Variants in ZNF219 observed in about 807,000 individuals in gnomAD.
ZNF219 encodes zinc finger protein 219.
In ZNF219, 17 loss-of-function variants were observed where a neutral mutation model predicts 54.4. The observed-to-expected ratio is 0.31, with a 90% CI of 0.21 to 0.47. ZNF219 has a LOEUF of 0.47. Among genes scored for constraint, ZNF219 ranks in the 20% least tolerant of loss-of-function variants. The pLI is 1.00. For missense variants in ZNF219, 1,014 were observed against 1,062.3 expected (o/e 0.95, Z 0.63); for synonymous variants, 518 against 476.4 (o/e 1.09, Z -1.14).
rs1287578865 is a variant in ZNF219, at chr14:21,092,288, C to G, written c.1009G>C (p.Ala337Pro). ...TGGGGGGCGCGGGCAGGCCCGGAGGCAGGCCCCGGGGCACGCAGTGGGCCC... is the reference window on the plus strand; with the variant it reads ...TGGGGGGCGCGGGCAGGCCCGGAGGGAGGCCCCGGGGCACGCAGTGGGCCC... ...KLGPLRAPGP[A>P]SGPARAPQPP... The change falls in exon 3 of 5, where the codon GCC (alanine) becomes CCC (proline). Residue 337 changes from alanine (A) to proline (P), a missense_variant. Physicochemically the swap from Ala to Pro is conservative, Grantham distance 27. Around this residue, in one of 5 missense-constraint regions of ZNF219, gnomAD observed 272 missense variants for 248.9 expected, o/e 1.09. Transcript: ENST00000360947. 6.6e-7 allele frequency: 1 copy of G among 1,510,542 alleles called. No individual in the cohort carries two copies. Among genetic ancestry groups the G allele is most frequent in the Non-Finnish European group, 8.8e-7 (1 of 1,131,550 alleles). The allele number at this position is 1,510,542 out of a possible 1,614,324, so 93.6% of individuals were successfully genotyped here. A position where few individuals can be genotyped will look rare whatever the true frequency, so the allele number is the denominator to read the frequency against.
chr14:21,101,818 G>T, upstream of ZNF219: 1 of 1,455,882 alleles, frequency 6.9e-7, no homozygotes, highest in Non-Finnish European at 9.4e-7. Context: ...CGAGAAGGGA[G>T]GGAATCCCTG....
chr14:21,091,866 C>T lies in ZNF219; in HGVS notation c.1431G>A (p.Gln477=), dbSNP rs960498940. The change falls in exon 3 of 5, where the codon CAG becomes CAA. Residue 477 remains glutamine (Q), a splice_region_variant and synonymous_variant. Coordinates refer to ENST00000360947, the MANE Select transcript of ZNF219 (RefSeq NM_016423.3). ...AGAQARSTAT[Q]EENGLLVGGT... Reference sequence around the variant, plus strand: ...GGAGAGCGGAGGGTACCTACATACCCTGCGTGGCGGTCGATCTTGCCTGGG... The same window carrying T: ...GGAGAGCGGAGGGTACCTACATACCTTGCGTGGCGGTCGATCTTGCCTGGG... 6.5e-6 allele frequency: 10 copies of T among 1,545,574 alleles called. No homozygotes were observed. In the South Asian group the frequency reaches 1.2e-4, roughly 19 times the overall value.
upstream of ZNF219, chr14:21,098,969 TA>T: frequency 1.6e-6 from 1 of 623,080 alleles, no homozygotes; most frequent in South Asian, 2.0e-5. Flanking sequence ...GTCGGCCGTA[TA>T]AGAAACATTA....
upstream of ZNF219, chr14:21,101,285 A>T: frequency 6.8e-7 from 1 of 1,470,534 alleles, no homozygotes; most frequent in South Asian, 1.2e-5. Flanking sequence ...TAATAGACAG[A>T]ACCTATAACG....
Position 21,092,611 on chromosome 14 carries a change from TGAGGC to T in ZNF219, c.681_685del (p.Pro228AlafsTer26). ...CTGGGGTGGAGGCTGAGGCTGAGGCTGAGGCGGAGGCGCAGCGGAGGTGGCCGCCA... is the reference window on the plus strand; with the variant it reads ...CTGGGGTGGAGGCTGAGGCTGAGGCTGGAGGCGCAGCGGAGGTGGCCGCCA... On this transcript the variant is annotated frameshift_variant, in exon 3 of 5. Transcript: ENST00000360947. LOFTEE classifies it high-confidence loss of function. 6.9e-7 allele frequency: 1 copy of T among 1,444,110 alleles called. No individual in the cohort carries two copies. The highest frequency in any genetic ancestry group is 2.4e-5 in the East Asian group (1 of 41,492). The allele number at this position is 1,444,110 out of a possible 1,614,324, so 89.5% of individuals were successfully genotyped here.
chr14:21,102,505 C>T (rs1343315625), upstream of ZNF219: 10 of 1,551,584 alleles, frequency 6.4e-6, no homozygotes, highest in African/African-American at 1.4e-4. Context: ...GCCCCAACTG[C>T]CTCCTCCCAG....
At chr14:21,104,163 TG>T (rs1471075659) in intron 1 of ZNF219, 1 of 152,160 alleles carries the variant, frequency 6.6e-6, no homozygotes, top group Non-Finnish European at 1.5e-5. Context: ...GGAGGGACCC[TG>T]CGACCCGCGT....
chr14:21,090,372 G>T lies in ZNF219; in HGVS notation c.*164C>A. ...GACTCCCTTGGGCTGGGTGGGTACC[G>T]CCAGCCCACCCTCCTACGCCCGCCG... On this transcript the variant is annotated 3_prime_UTR_variant, in exon 5 of 5. Transcript: ENST00000360947. The surrounding 1 kb of genome is among the most constrained non-coding windows in gnomAD (Gnocchi z 4.4). 3.1e-6 allele frequency: 3 copies of T among 969,752 alleles called. No individual in the cohort carries two copies. The highest frequency in any genetic ancestry group is 1.5e-5 in the South Asian group (1 of 65,256). The allele number at this position is 969,752 out of a possible 1,614,324, so 60.1% of individuals were successfully genotyped here.
At chr14:21,104,319 C>G (rs1290153268) in intron 1 of ZNF219, 1 of 152,342 alleles carries the variant, frequency 6.6e-6, no homozygotes, top group Non-Finnish European at 1.5e-5. Flanking sequence ...CGGCTGCGGT[C>G]GGGTTGCTGA....
At chr14:21,096,173 T>A (rs1889268915) in intron 1 of ZNF219, among the ~76,000 whole-genome samples, 1 of 152,168 alleles carries the variant, frequency 6.6e-6, no homozygotes, top group Non-Finnish European at 1.5e-5. Flanking sequence ...GCTGGCCTCA[T>A]ATCTGAGGCA....
In ZNF219 at chr14:21,092,806, C is replaced by T. The variant is rs758747385; in HGVS notation, c.491G>A (p.Arg164His). ...RPQAPSSSAFRCPYCKGKFRT... is the reference protein window; with the variant it reads ...RPQAPSSSAFHCPYCKGKFRT... ...AAACTTGCCTTTGCAGTAGGGGCAA[C>T]GGAAGGCGGACGATGAAGGAGCCTG... The change falls in exon 3 of 5, where the codon CGT (arginine) becomes CAT (histidine). Residue 164 changes from arginine to histidine, a missense_variant. Arg to His is a conservative substitution (Grantham distance 29, BLOSUM62 0). Coordinates refer to ENST00000360947, the MANE Select transcript of ZNF219 (RefSeq NM_016423.3). The T allele has an allele frequency of 3.2e-6, 5 of 1,578,402 alleles. No individual in the cohort carries two copies. In the South Asian group the frequency reaches 5.9e-5, roughly 18 times the overall value.
rs772773620 is a variant in ZNF219 at position 21,092,287 on chromosome 14, G to A, written c.1010C>T (p.Ala337Val). Residue 337 changes from alanine to valine, a missense_variant, in exon 3 of 5, where the codon GCC (alanine) becomes GTC (valine). Physicochemically the swap from Ala to Val is moderately conservative, Grantham distance 64. Transcript: ENST00000360947. ...CTGGGGGGCGCGGGCAGGCCCGGAG[G>A]CAGGCCCCGGGGCACGCAGTGGGCC... Reference protein sequence around the residue: ...KLGPLRAPGPASGPARAPQPP... With the variant: ...KLGPLRAPGPVSGPARAPQPP... The A allele has an allele frequency of 3.3e-6, 5 of 1,510,196 alleles. No homozygotes were observed. The Admixed American group carries it at 1.0e-4, about 31-fold the overall frequency. The allele number at this position is 1,510,196 out of a possible 1,614,324, so 93.5% of individuals were successfully genotyped here.
chr14:21,102,789 C>T, upstream of ZNF219: 4 of 1,547,020 alleles, frequency 2.6e-6, no homozygotes, highest in Non-Finnish European at 3.5e-6. Context: ...GGTATGGGGG[C>T]AGGGAAGAAA....
At position 21,091,090 on chromosome 14, in the gene ZNF219, C is replaced by G. The variant is rs1479868474; in HGVS notation, c.1615G>C (p.Gly539Arg). The stretch of plus-strand genomic sequence containing the variant: ...CGCTGTAGGTGATACTTGAGCGAGC[C>G]GGACTGGGTGCCCGCGTAGTCGCAG... ...PHCDYAGTQS[G>R]SLKYHLQRHH... The change falls in exon 5 of 5, where the codon GGC becomes CGC. Residue 539 changes from glycine to arginine, a missense_variant. Transcript: ENST00000360947. 6.3e-7 allele frequency: 1 copy of G among 1,575,894 alleles called. No homozygotes were observed. Among genetic ancestry groups the G allele is most frequent in the Admixed American group, 1.8e-5 (1 of 55,228 alleles).
chr14:21,100,536 T>TAGAC (rs1312651518), upstream of ZNF219, among the ~76,000 whole-genome samples: 13 of 151,474 alleles, frequency 8.6e-5, no homozygotes, highest in Non-Finnish European at 1.9e-4. Flanking sequence ...GACCATGAGA[T>TAGAC]AGATAGATAG....
At chr14:21,099,640 C>A (rs1156336563), upstream of ZNF219, among the ~76,000 whole-genome samples, 1 of 152,208 alleles carries the variant, frequency 6.6e-6, no homozygotes, top group Non-Finnish European at 1.5e-5. Flanking sequence ...CTCTTATCGT[C>A]AACAACAAGA....
At chr14:21,097,887 C>T (rs1889368975) in intron 1 of ZNF219, among the ~76,000 whole-genome samples, 1 of 151,936 alleles carries the variant, frequency 6.6e-6, no homozygotes, top group Admixed American at 6.5e-5. Flanking sequence ...CCAGCCCTAC[C>T]TGGGCCGGGG....
At position 21,090,420 on chromosome 14, in the gene ZNF219, T is replaced by A. The variant is rs1888737955; in HGVS notation, c.*116A>T. The A allele has an allele frequency of 9.4e-6, 13 of 1,390,262 alleles. No homozygotes were observed. The highest frequency in any genetic ancestry group is 1.3e-5 in the Non-Finnish European group (13 of 1,033,934). The allele number at this position is 1,390,262 out of a possible 1,614,324, so 86.1% of individuals were successfully genotyped here. A position where few individuals can be genotyped will look rare whatever the true frequency, so the allele number is the denominator to read the frequency against. On this transcript the variant is annotated 3_prime_UTR_variant, in exon 5 of 5. Coordinates refer to ENST00000360947, the MANE Select transcript of ZNF219 (RefSeq NM_016423.3). This position sits in a 1 kb window ranked among gnomAD's most constrained non-coding sequence, Gnocchi z 4.4. ...CCGCGCCTTCCACCTCTGGTCCGCC[T>A]GGGGCTGGGATATGGGTCCCACGCT...
At chr14:21,099,262 A>G (rs2139336690), upstream of ZNF219, 1 of 152,900 alleles carries the variant, frequency 6.5e-6, no homozygotes, top group South Asian at 2.0e-4. Flanking sequence ...CTAATAGTAT[A>G]TAATCTTTCC....
Sources: gnomAD v4.1 joint callset for allele counts (sites outside exome capture counted in the v4.1 genomes callset) on GRCh38, gnomAD v4.1.1 for gene constraint, gnomAD v4.1.1 regional missense constraint, Gnocchi (gnomAD v3.1) non-coding constraint, MANE v1.5 for transcripts, NCBI Gene and HGNC (gene_info 2026-07-23, HGNC 2026-07-21) for gene names.